SLC6A13: variants seen among roughly 807,000 people sequenced by gnomAD.
SLC6A13 encodes sodium- and chloride-dependent GABA transporter 2.
SLC6A13 carries 69 observed loss-of-function variants against 72.9 expected under a neutral mutation model. That is an observed-to-expected ratio of 0.95 (90% CI 0.78 to 1.16). The LOEUF is 1.16. Ranked by LOEUF, SLC6A13 falls within the 50% of genes most tolerant of loss-of-function variation. SLC6A13 has a pLI of 0.00. For missense variants in SLC6A13, 735 were observed against 760.5 expected (o/e 0.97, Z 0.39); for synonymous variants, 303 against 303.0 (o/e 1.00, Z 0.00).
chr12:240,559 G>A (rs1463517723), intron 4 of SLC6A13, among the ~76,000 whole-genome samples: 3 of 152,216 alleles, frequency 2.0e-5, no homozygotes, highest in Non-Finnish European at 4.4e-5. Context: ...ATATTTTTGA[G>A]TGCTTACGAT....
At chr12:228,676 C>T (rs1334742382) in intron 7 of SLC6A13, among the ~76,000 whole-genome samples, 1 of 152,174 alleles carries the variant, frequency 6.6e-6, no homozygotes, top group African/African-American at 2.4e-5. Context: ...GGCATGGTCA[C>T]CACCCTCAGC....
intron 2 of SLC6A13, among the ~76,000 whole-genome samples, chr12:246,445 T>C (rs1338041731): frequency 1.3e-5 from 2 of 152,170 alleles, no homozygotes; most frequent in Non-Finnish European, 2.9e-5. Context: ...AGCAAGGAGA[T>C]TGAACCTGAC....
Position 220,776 on chromosome 12 carries a change from C to A in SLC6A13, c.*172G>T. On this transcript the variant is annotated 3_prime_UTR_variant, in exon 15 of 15. Coordinates refer to ENST00000343164, the MANE Select transcript of SLC6A13 (RefSeq NM_016615.5). ...TCACATCTGTTCAACAACCCCTGAGCTGAAAAGTTGCAGTGGGAGGCCTCC... is the reference window on the plus strand; with the variant it reads ...TCACATCTGTTCAACAACCCCTGAGATGAAAAGTTGCAGTGGGAGGCCTCC... 1 of 698,974 alleles carries A rather than the reference C, an allele frequency of 1.4e-6. No individual in the cohort carries two copies. Among genetic ancestry groups the A allele is most frequent in the Admixed American group, 2.7e-5 (1 of 36,982 alleles). The allele number at this position is 698,974 out of a possible 1,614,324, so 43.3% of individuals were successfully genotyped here. A position where few individuals can be genotyped will look rare whatever the true frequency, so the allele number is the denominator to read the frequency against.
intron 2 of SLC6A13, among the ~76,000 whole-genome samples, chr12:247,059 A>T (rs940364114): frequency 5.3e-5 from 8 of 151,328 alleles, no homozygotes; most frequent in African/African-American, 9.7e-5. Context: ...GAAAAAAGAA[A>T]TTTTTTAAAA....
At chr12:252,192 A>G (rs1942579013) in intron 2 of SLC6A13, among the ~76,000 whole-genome samples, 1 of 152,246 alleles carries the variant, frequency 6.6e-6, no homozygotes, top group South Asian at 2.1e-4. Context: ...TAATATTCTA[A>G]GAAACGCAAA....
At chr12:246,230 A>T (rs1017459248) in intron 2 of SLC6A13, among the ~76,000 whole-genome samples, 4 of 152,136 alleles carry the variant, frequency 2.6e-5, no homozygotes, top group African/African-American at 9.7e-5. Flanking sequence ...AACCAGGAGA[A>T]TTGCTTGAAC....
chr12:242,774 T>C lies in SLC6A13; in HGVS notation c.338-20A>G, dbSNP rs752883557. 2 of 1,566,128 alleles carry C rather than the reference T, an allele frequency of 1.3e-6. No homozygotes were observed. The highest frequency in any genetic ancestry group is 1.2e-5 in the South Asian group (1 of 85,212). ...CAATGCCTGCGGGGAAACTGCAGAA[T>C]TGGGCTAGGAACGGTGGACAGCGGT... On this transcript the variant is annotated intron_variant, in intron 3 of 14. Coordinates refer to ENST00000343164, the MANE Select transcript of SLC6A13 (RefSeq NM_016615.5).
chr12:258,376 T>C (rs936497557), intron 2 of SLC6A13, among the ~76,000 whole-genome samples: 2 of 152,182 alleles, frequency 1.3e-5, no homozygotes, highest in African/African-American at 2.4e-5. Flanking sequence ...TTTCTCTCTC[T>C]AAAATCATTG....
intron 7 of SLC6A13, among the ~76,000 whole-genome samples, chr12:229,884 G>T (rs965338254): frequency 6.6e-6 from 1 of 152,190 alleles, no homozygotes; most frequent in African/African-American, 2.4e-5. Context: ...CCTCGCCTCG[G>T]CAGGGGTGGG....
In SLC6A13 at chr12:222,549, T is replaced by C. The variant is rs767490882; in HGVS notation, c.1498A>G (p.Thr500Ala). Residue 500 changes from threonine (T) to alanine (A), a missense_variant, in exon 13 of 15, where the codon ACA becomes GCA. Thr to Ala is a moderately conservative substitution (Grantham distance 58). Coordinates refer to ENST00000343164, the MANE Select transcript of SLC6A13 (RefSeq NM_016615.5). ...PLIKYCWLFL[T>A]PAVCTATFLF... ...GATCTTACTGTGCACACAGCTGGTG[T>C]GAGGAAGAGCCAACAGTATTTGATA... The C allele has an allele frequency of 1.2e-6, 2 of 1,606,006 alleles. No homozygotes were observed. The highest frequency in any genetic ancestry group is 1.7e-5 in the Admixed American group (1 of 59,608).
At chr12:249,406 G>GA (rs1284317457) in intron 2 of SLC6A13, among the ~76,000 whole-genome samples, 2 of 152,040 alleles carry the variant, frequency 1.3e-5, no homozygotes, top group Non-Finnish European at 2.9e-5. Flanking sequence ...TAAAATTTTA[G>GA]AAGACACAAA....
chr12:232,787 G>A (rs937585899), intron 7 of SLC6A13, among the ~76,000 whole-genome samples: 17 of 152,254 alleles, frequency 1.1e-4, no homozygotes, highest in African/African-American at 3.9e-4. Context: ...TCTGCAGGGA[G>A]GTTTCTGAAT....
Position 254,432 on chromosome 12 carries a change from A to AAC in SLC6A13, c.202+5417_202+5418dup, listed in dbSNP as rs1942666442. Among the ~76,000 whole-genome samples, 1 of 152,180 alleles carries AAC rather than the reference A, an allele frequency of 6.6e-6. No homozygotes were observed. ...GTCATTGTCCCCAGCCCTCCACTGT[A>AAC]ACCGCTCTTATCATCAATGACTTCC... On this transcript the variant is annotated intron_variant, in intron 2 of 14. Coordinates refer to ENST00000343164, the MANE Select transcript of SLC6A13 (RefSeq NM_016615.5). This position sits in a 1 kb window ranked among gnomAD's most constrained non-coding sequence, Gnocchi z 4.4.
At chr12:231,153 AG>A (rs1246849788) in intron 7 of SLC6A13, among the ~76,000 whole-genome samples, 1 of 152,226 alleles carries the variant, frequency 6.6e-6, no homozygotes, top group Non-Finnish European at 1.5e-5. Context: ...GTCTGAGTAA[AG>A]CACACGCTCC....
rs1439018595 is a variant in SLC6A13 at position 222,579 on chromosome 12, G to A, written c.1468C>T (p.Pro490Ser). 1.2e-6 allele frequency: 2 copies of A among 1,610,812 alleles called. No individual in the cohort carries two copies. The highest frequency in any genetic ancestry group is 8.5e-7 in the Non-Finnish European group (1 of 1,178,316). The change falls in exon 13 of 15, where the codon CCT becomes TCT. Residue 490 changes from proline to serine, a missense_variant. Physicochemically the swap from Pro to Ser is moderately conservative, Grantham distance 74 (BLOSUM62 -1). Coordinates refer to ENST00000343164, the MANE Select transcript of SLC6A13 (RefSeq NM_016615.5). ...IEDMIGYRPW[P>S]LIKYCWLFLT... ...AAGAGCCAACAGTATTTGATAAGAG[G>A]CCATGGCCTGTACCCAATCATGTCT...
chr12:242,405 T>C (rs564752931), intron 4 of SLC6A13, among the ~76,000 whole-genome samples: 2 of 152,364 alleles, frequency 1.3e-5, no homozygotes, highest in East Asian at 1.9e-4. Flanking sequence ...TCAGTTCTCA[T>C]TGAATATGTT....
rs541476769 is a variant in SLC6A13, at chr12:231,922, C to T, written c.831+3168G>A. ...AACAAAGGTGAGTGGCCAGGGACCT[C>T]GTCTCCAAGAGTGGATCATAAAGTG... On this transcript the variant is annotated intron_variant, in intron 7 of 14. Coordinates refer to ENST00000343164, the MANE Select transcript of SLC6A13 (RefSeq NM_016615.5). Among the ~76,000 whole-genome samples, 4 of 152,280 alleles carry T rather than the reference C, an allele frequency of 2.6e-5. No homozygotes were observed. In the South Asian group the frequency reaches 6.2e-4, roughly 24 times the overall value.
rs187006247 is a variant in SLC6A13, at chr12:235,016, G to A, written c.831+74C>T. 2.3e-3 allele frequency: 3,697 copies of A among 1,578,334 alleles called. 4 individuals carry two copies. The highest frequency in any genetic ancestry group is 2.8e-3 in the Non-Finnish European group (3,261 of 1,150,270). On this transcript the variant is annotated intron_variant, in intron 7 of 14. Coordinates refer to ENST00000343164, the MANE Select transcript of SLC6A13 (RefSeq NM_016615.5). ...GTAGTGCTAGGTGCGGGGGTTCCCC[G>A]TCAGAGTGCAGGGAAAGCCTGAAGC... is the stretch of plus-strand genomic sequence containing the variant.
intron 7 of SLC6A13, among the ~76,000 whole-genome samples, chr12:232,755 C>G (rs920840441): frequency 2.0e-5 from 3 of 152,328 alleles, no homozygotes; most frequent in Admixed American, 6.5e-5. Flanking sequence ...TTGAGAAACA[C>G]TCAGGACCAG....
Sources: gnomAD v4.1 joint callset for allele counts (sites outside exome capture counted in the v4.1 genomes callset) on GRCh38, gnomAD v4.1.1 for gene constraint, Gnocchi (gnomAD v3.1) non-coding constraint, MANE v1.5 for transcripts, NCBI Gene and HGNC (gene_info 2026-07-23, HGNC 2026-07-21) for gene names.